AANAT: variants seen among roughly 807,000 people sequenced by gnomAD.
AANAT encodes the protein aralkylamine N-acetyltransferase.
In AANAT, 11 loss-of-function variants were observed where a neutral mutation model predicts 15.6. The observed-to-expected ratio is 0.71, with a 90% CI of 0.44 to 1.17. The LOEUF (loss-of-function observed/expected upper bound fraction) is 1.17, where lower values mean the gene tolerates loss of function less well. Among genes scored for constraint, AANAT ranks in the 50% most tolerant of loss-of-function variants. The pLI, the probability that AANAT is intolerant of heterozygous loss-of-function variation, is 0.00. For missense variants in AANAT, 286 were observed against 296.3 expected (o/e 0.97, Z 0.26); for synonymous variants, 139 against 131.5 (o/e 1.06, Z -0.39).
At chr17:76,465,060 G>A (rs534595510), upstream of AANAT, among the ~76,000 whole-genome samples, 3 of 152,070 alleles carry the variant, frequency 2.0e-5, no homozygotes, top group African/African-American at 7.2e-5. Flanking sequence ...GCCTCCCAAA[G>A]TGCTGGGATT....
intron 2 of AANAT, among the ~76,000 whole-genome samples, chr17:76,461,101 G>A (rs1043328522): frequency 1.3e-5 from 2 of 152,048 alleles, no homozygotes; most frequent in Non-Finnish European, 2.9e-5. Flanking sequence ...GGAGGCGGGG[G>A]TTTCAGTGAG....
At chr17:76,468,953 C>A in intron 2 of AANAT, 44 bp downstream of exon 2, 1 of 1,584,332 alleles carries the variant, frequency 6.3e-7, no homozygotes, top group South Asian at 1.1e-5. Flanking sequence ...CCACTCTGGT[C>A]CAGTTATCCT....
In AANAT at chr17:76,469,032, T is replaced by C. The variant is rs543352885; in HGVS notation, c.163+123T>C. 38 of 1,488,356 alleles carry C rather than the reference T, an allele frequency of 2.6e-5. No homozygotes were observed. In the African/African-American group the frequency reaches 4.7e-4, roughly 18 times the overall value. The allele number at this position is 1,488,356 out of a possible 1,614,324, so 92.2% of individuals were successfully genotyped here. ...CCAGAGTATCAGACCATGTGTGCGC[T>C]CAAGAAAGTGGGGGAAACAGCAGCC... On this transcript the variant is annotated intron_variant, in intron 2 of 3. Transcript: ENST00000392492. The surrounding 1 kb of genome is among the most constrained non-coding windows in gnomAD (Gnocchi z 5.2).
chr17:76,468,639 A>T lies in AANAT; in HGVS notation c.-75-33A>T, dbSNP rs1317424987. 7 of 1,515,084 alleles carry T rather than the reference A, an allele frequency of 4.6e-6. No homozygotes were observed. In the African/African-American group the frequency reaches 9.7e-5, roughly 21 times the overall value. 93.9% of individuals were successfully genotyped at this position (1,515,084 alleles called of 1,614,324 possible). On this transcript the variant is annotated intron_variant, in intron 1 of 3. Transcript: ENST00000392492. ...GGGGCCTGCCTCCCTGGAGATGAGG[A>T]TGAGACCCCTGTCCCTTGCTGTTCT...
chr17:76,469,922 C>T lies in AANAT; in HGVS notation c.576C>T (p.His192=). 1 of 1,557,852 alleles carries T rather than the reference C, an allele frequency of 6.4e-7. No homozygotes were observed. The highest frequency in any genetic ancestry group is 8.7e-7 in the Non-Finnish European group (1 of 1,152,028). ...TVGSLTFMEL[H]CSLRGHPFLR... is the part of the protein sequence containing the mutation. ...GCTCCCTCACCTTCATGGAGCTCCA[C>T]TGCTCCCTGCGGGGCCACCCCTTCC... The change falls in exon 4 of 4, where the codon CAC becomes CAT. Residue 192 remains histidine (H), a synonymous_variant. Coordinates refer to ENST00000392492, the MANE Select transcript of AANAT (RefSeq NM_001088.3). The surrounding 1 kb of genome is among the most constrained non-coding windows in gnomAD (Gnocchi z 5.2).
At chr17:76,460,958 A>G (rs558225093) in intron 2 of AANAT, among the ~76,000 whole-genome samples, 1 of 152,110 alleles carries the variant, frequency 6.6e-6, no homozygotes, top group Non-Finnish European at 1.5e-5. Context: ...TGAGGTCAGG[A>G]GTTTGAGACT....
chr17:76,460,486 G>A (rs1471454512), intron 2 of AANAT, among the ~76,000 whole-genome samples: 1 of 151,874 alleles, frequency 6.6e-6, no homozygotes, highest in African/African-American at 2.4e-5. Flanking sequence ...AAATAATAGA[G>A]AGAAGGTCTC....
At position 76,469,431 on chromosome 17, in the gene AANAT, A is replaced by T; in HGVS notation, c.318+104A>T. 6.7e-7 allele frequency: 1 copy of T among 1,494,842 alleles called. No homozygotes were observed. The highest frequency in any genetic ancestry group is 1.2e-5 in the South Asian group (1 of 81,138). 92.6% of individuals were successfully genotyped at this position (1,494,842 alleles called of 1,614,324 possible). Reference sequence around the variant, plus strand: ...CAGGGGCTGGGATTTCTTCCTCCAGAACTGGAGAGATGAGTACAGGCCACA... The same window carrying T: ...CAGGGGCTGGGATTTCTTCCTCCAGTACTGGAGAGATGAGTACAGGCCACA... On this transcript the variant is annotated intron_variant, in intron 3 of 3. Coordinates refer to ENST00000392492, the MANE Select transcript of AANAT (RefSeq NM_001088.3). The surrounding 1 kb of genome is among the most constrained non-coding windows in gnomAD (Gnocchi z 5.2).
chr17:76,457,510 T>C (rs941862914), intron 1 of AANAT, among the ~76,000 whole-genome samples: 3 of 152,222 alleles, frequency 2.0e-5, no homozygotes, highest in Non-Finnish European at 4.4e-5. Flanking sequence ...CTTCTTGTAA[T>C]AATGGCTAAT....
Position 76,469,015 on chromosome 17 carries a change from T to A in AANAT, c.163+106T>A. 1 of 1,488,346 alleles carries A rather than the reference T, an allele frequency of 6.7e-7. No individual in the cohort carries two copies. Among genetic ancestry groups the A allele is most frequent in the South Asian group, 1.2e-5 (1 of 80,860 alleles). The allele number at this position is 1,488,346 out of a possible 1,614,324, so 92.2% of individuals were successfully genotyped here. Reference sequence around the variant, plus strand: ...TCCTTGGAGGCTGGGTCCCAGAGTATCAGACCATGTGTGCGCTCAAGAAAG... The same window carrying A: ...TCCTTGGAGGCTGGGTCCCAGAGTAACAGACCATGTGTGCGCTCAAGAAAG... On this transcript the variant is annotated intron_variant, in intron 2 of 3. Transcript: ENST00000392492. This position sits in a 1 kb window ranked among gnomAD's most constrained non-coding sequence, Gnocchi z 5.2.
Position 76,469,790 on chromosome 17 carries a change from C to G in AANAT, c.444C>G (p.Gly148=). The change falls in exon 4 of 4, where the codon GGC becomes GGG. Residue 148 remains glycine, a synonymous_variant. Coordinates refer to ENST00000392492, the MANE Select transcript of AANAT (RefSeq NM_001088.3). The surrounding 1 kb of genome is among the most constrained non-coding windows in gnomAD (Gnocchi z 5.2). ...ILLWRYLHHL[G]SQPAVRRAAL... ...TGTGGCGCTACCTGCACCACCTGGGCAGCCAGCCGGCCGTGCGCCGGGCCG... is the reference window on the plus strand; with the variant it reads ...TGTGGCGCTACCTGCACCACCTGGGGAGCCAGCCGGCCGTGCGCCGGGCCG... The G allele has an allele frequency of 6.3e-7, 1 of 1,595,382 alleles. No homozygotes were observed. Among genetic ancestry groups the G allele is most frequent in the Non-Finnish European group, 8.5e-7 (1 of 1,172,108 alleles).
chr17:76,468,721 GC>G lies in AANAT; in HGVS notation c.-22del. On this transcript the variant is annotated 5_prime_UTR_variant, in exon 2 of 4. Coordinates refer to ENST00000392492, the MANE Select transcript of AANAT (RefSeq NM_001088.3). Reference sequence around the variant, plus strand: ...AGGAGGACACTTCCAAAGCTGGGGCGCCCCAAGGAGGCACCAGTGGCCAGAA... The same window carrying G: ...AGGAGGACACTTCCAAAGCTGGGGCGCCCAAGGAGGCACCAGTGGCCAGAA... 2 of 1,599,828 alleles carry G rather than the reference GC, an allele frequency of 1.3e-6. No individual in the cohort carries two copies. The highest frequency in any genetic ancestry group is 8.5e-7 in the Non-Finnish European group (1 of 1,174,868).
upstream of AANAT, among the ~76,000 whole-genome samples, chr17:76,463,070 G>T (rs989741762): frequency 3.3e-5 from 5 of 152,202 alleles, no homozygotes; most frequent in Non-Finnish European, 2.9e-5. Flanking sequence ...TCTGCACTGG[G>T]CCCGGTGGGG....
chr17:76,466,218 C>T, upstream of AANAT: 1 of 1,535,272 alleles, frequency 6.5e-7, no homozygotes, highest in Non-Finnish European at 8.7e-7. Flanking sequence ...TTTTGGGGGA[C>T]CCTGGAGGTT....
At chr17:76,456,186 C>T (rs1425890364) in intron 1 of AANAT, among the ~76,000 whole-genome samples, 11 of 151,726 alleles carry the variant, frequency 7.2e-5, no homozygotes, top group Admixed American at 2.6e-4. Flanking sequence ...ACAAAATTAG[C>T]CAGGCATGGT....
chr17:76,465,970 C>T, upstream of AANAT: 3 of 579,460 alleles, frequency 5.2e-6, no homozygotes, highest in South Asian at 5.5e-5. Flanking sequence ...CCGTCTCTGT[C>T]TCCCAAAGTG....
upstream of AANAT, chr17:76,466,296 T>C (rs1003061936): frequency 3.7e-6 from 5 of 1,357,674 alleles, no homozygotes; most frequent in African/African-American, 5.8e-5. Context: ...AGGAGGTCTC[T>C]GGTCGGTCCT....
intron 1 of AANAT, among the ~76,000 whole-genome samples, chr17:76,454,522 A>G (rs1027105403): frequency 6.6e-6 from 1 of 151,618 alleles, no homozygotes; most frequent in Non-Finnish European, 1.5e-5. Flanking sequence ...AAATATAAAA[A>G]GTAACTCTAG....
At chr17:76,463,862 C>T (rs1178470168), upstream of AANAT, among the ~76,000 whole-genome samples, 1 of 152,136 alleles carries the variant, frequency 6.6e-6, no homozygotes, top group African/African-American at 2.4e-5. Context: ...TTTTTACTGT[C>T]ATGATATCAG....
Sources: allele counts gnomAD v4.1 joint callset (sites outside exome capture counted in the v4.1 genomes callset), GRCh38; gene constraint gnomAD v4.1.1; non-coding constraint Gnocchi (gnomAD v3.1); transcripts MANE v1.5; gene names NCBI Gene and HGNC (gene_info 2026-07-23, HGNC 2026-07-21).